The following CA9 variants were observed in gnomAD, a reference collection of about 807,000 sequenced individuals.
The protein encoded by CA9 is CA-IX.
A neutral mutation model predicts 51.8 loss-of-function variants in CA9; 43 were observed. The observed-to-expected ratio is 0.83, with a 90% CI of 0.65 to 1.07. CA9 has a LOEUF of 1.07. CA9 is among the 50% of genes least tolerant of loss of function. The probability of loss-of-function intolerance (pLI) is 0.00; values close to 1 mark genes in which losing one functional copy is unlikely to be tolerated. For missense variants in CA9, 574 were observed against 581.4 expected, an observed-to-expected ratio of 0.99 and a Z score of 0.13; for synonymous variants, 253 against 244.2, an observed-to-expected ratio of 1.04 and a Z score of -0.34.
At chr9:35,679,743 G>GA in intron 7 of CA9, 111 bp from the exon 8 acceptor site, 1 of 980,432 alleles carries the variant, frequency 1.0e-6, no homozygotes, top group South Asian at 1.8e-5. Context: ...GCTGGATGGG[G>GA]AATACAGGAG....
chr9:35,677,728 T>C, intron 5 of CA9, 62 bp from the exon 6 acceptor site: 2 of 1,324,838 alleles, frequency 1.5e-6, no homozygotes, highest in Non-Finnish European at 2.2e-6. Flanking sequence ...CCCTTCATGT[T>C]CCGGCCTTCA....
rs1048638 is a variant in CA9 at position 35,681,125 on chromosome 9, C to A, written c.*100C>A. 0.22 allele frequency: 168,020 copies of A among 775,028 alleles called. 20,138 individuals carry two copies. Among genetic ancestry groups the A allele is most frequent in the Admixed American group, 0.29 (9,503 of 32,704 alleles). 48.0% of individuals were successfully genotyped at this position (775,028 alleles called of 1,614,324 possible). A position where few individuals can be genotyped will look rare whatever the true frequency, so the allele number is the denominator to read the frequency against. On this transcript the variant is annotated 3_prime_UTR_variant, in exon 11 of 11. Coordinates refer to ENST00000378357, the MANE Select transcript of CA9 (RefSeq NM_001216.3). The stretch of plus-strand genomic sequence containing the variant: ...CATTATGCCACTTCCTTTTAACTGC[C>A]AAGAAATTTTTTAAAATAAATATTT...
rs5897612 is a variant in CA9 at position 35,679,548 on chromosome 9, C to CAA, written c.1065+212_1065+213dup. Among the ~76,000 whole-genome samples, 102 of 151,834 alleles carry CAA rather than the reference C, an allele frequency of 6.7e-4. 1 individual carries two copies. Among genetic ancestry groups the CAA allele is most frequent in the African/African-American group, 2.0e-3 (81 of 41,396 alleles). Reference sequence around the variant, plus strand: ...CAACATAGTGTGACCCCATCTCTACCAAAAAAACCCCAACAAAACCAAAAA... The same window carrying CAA: ...CAACATAGTGTGACCCCATCTCTACCAAAAAAAAACCCCAACAAAACCAAAAA... On this transcript the variant is annotated intron_variant, in intron 7 of 10. Transcript: ENST00000378357.
chr9:35,680,018 C>A lies in CA9; in HGVS notation c.1210+20C>A, dbSNP rs765108061. On this transcript the variant is annotated intron_variant, in intron 8 of 10. Transcript: ENST00000378357. ...AGCCAGGTACAGCTTTGTCTGGTTT[C>A]CCCCCAGCCAGTAGTCCCTTATCCT... 6.2e-7 allele frequency: 1 copy of A among 1,613,996 alleles called. No homozygotes were observed. Among genetic ancestry groups the A allele is most frequent in the Admixed American group, 1.7e-5 (1 of 59,876 alleles).
At chr9:35,677,691 A>AGGAAT in intron 5 of CA9, 99 bp from the exon 6 acceptor site, 1 of 876,146 alleles carries the variant, frequency 1.1e-6, no homozygotes, top group Non-Finnish European at 1.9e-6. Flanking sequence ...CTCAGAGCTG[A>AGGAAT]GGAATGGGAG....
rs866155384 is a variant in CA9, at chr9:35,677,774, C to G, written c.841-16C>G. The G allele has an allele frequency of 1.1e-5, 18 of 1,611,592 alleles. No homozygotes were observed. The highest frequency in any genetic ancestry group is 1.4e-5 in the Non-Finnish European group (17 of 1,177,654). On this transcript the variant is annotated splice_polypyrimidine_tract_variant and intron_variant, in intron 5 of 10. Coordinates refer to ENST00000378357, the MANE Select transcript of CA9 (RefSeq NM_001216.3). ...TGGATACATGCACTCATCTGTCTTACAATGTCATCCCCCAGGAGGGCCCGG... is the reference window on the plus strand; with the variant it reads ...TGGATACATGCACTCATCTGTCTTAGAATGTCATCCCCCAGGAGGGCCCGG...
At chr9:35,678,263 A>G (rs1259410482) in intron 6 of CA9, among the ~76,000 whole-genome samples, 2 of 150,528 alleles carry the variant, frequency 1.3e-5, no homozygotes, top group Non-Finnish European at 3.0e-5. Flanking sequence ...GGAGAATGGC[A>G]TGAACCCGGG....
At chr9:35,675,490 G>A in intron 1 of CA9, 48 bp from the exon 2 acceptor site, 1 of 1,609,746 alleles carries the variant, frequency 6.2e-7, no homozygotes, top group South Asian at 1.1e-5. Flanking sequence ...TCGCCAGGAA[G>A]GGATTGGGGC....
At chr9:35,677,893 T>C in intron 6 of CA9, 37 bp downstream of exon 6, 1 of 1,566,450 alleles carries the variant, frequency 6.4e-7, no homozygotes, top group Non-Finnish European at 8.8e-7. Flanking sequence ...CTCTGTGGCC[T>C]AGTTCATAAA....
Position 35,681,018 on chromosome 9 carries a change from G to T in CA9, c.1373G>T (p.Gly458Val). 1 of 1,613,806 alleles carries T rather than the reference G, an allele frequency of 6.2e-7. No individual in the cohort carries two copies. The highest frequency in any genetic ancestry group is 8.5e-7 in the Non-Finnish European group (1 of 1,179,920). The change falls in exon 11 of 11, where the codon GGA (glycine) becomes GTA (valine). Residue 458 changes from glycine (G) to valine (V), a missense_variant. By Grantham distance (109) the Gly-to-Val change is moderately radical. Transcript: ENST00000378357. ...CGCCCAGCAGAGGTAGCCGAGACTG[G>T]AGCCTAGAGGCTGGATCTTGGAGAA... ...SYRPAEVAETGA is the reference protein window; with the variant it reads ...SYRPAEVAETVA
At position 35,680,117 on chromosome 9, in the gene CA9, G is replaced by A; in HGVS notation, c.1215G>A (p.Gln405=). The A allele has an allele frequency of 1.2e-6, 2 of 1,614,180 alleles. No individual in the cohort carries two copies. The highest frequency in any genetic ancestry group is 8.5e-7 in the Non-Finnish European group (1 of 1,180,040). Residue 405 remains glutamine, a synonymous_variant, in exon 9 of 11, where the codon CAG becomes CAA. Coordinates refer to ENST00000378357, the MANE Select transcript of CA9 (RefSeq NM_001216.3). ...DSSPRAAEPV[Q]LNSCLAAGDI... ...ACATCTCCTTTTTCTCTCCAGTCCA[G>A]CTGAATTCCTGCCTGGCTGCTGGTG... is the stretch of plus-strand genomic sequence containing the variant.
At chr9:35,679,059 C>T in intron 6 of CA9, 126 bp from the exon 7 acceptor site, 7 of 986,560 alleles carry the variant, frequency 7.1e-6, no homozygotes, top group Non-Finnish European at 1.1e-5. Flanking sequence ...AGGGCCTGCA[C>T]TTAGCGAAGA....
Position 35,674,095 on chromosome 9 carries a change from G to A in CA9, c.136G>A (p.Asp46Asn). The change falls in exon 1 of 11, where the codon GAT becomes AAT. Residue 46 changes from aspartate to asparagine, a missense_variant. By Grantham distance (23) the Asp-to-Asn change is conservative (BLOSUM62 1). Transcript: ENST00000378357. ...CCAGAGGTTGCCCCGGATGCAGGAG[G>A]ATTCCCCCTTGGGAGGAGGCTCTTC... ...HPQRLPRMQE[D>N]SPLGGGSSGE... 6.2e-7 allele frequency: 1 copy of A among 1,614,188 alleles called. No homozygotes were observed. The highest frequency in any genetic ancestry group is 8.5e-7 in the Non-Finnish European group (1 of 1,180,006).
chr9:35,679,226 C>T lies in CA9; in HGVS notation c.949C>T (p.Leu317=), dbSNP rs1442840079. The T allele has an allele frequency of 6.2e-7, 1 of 1,614,194 alleles. No homozygotes were observed. Among genetic ancestry groups the T allele is most frequent in the Non-Finnish European group, 8.5e-7 (1 of 1,180,032 alleles). The change falls in exon 7 of 11, where the codon CTG becomes TTG. Residue 317 remains leucine (L), a synonymous_variant. Transcript: ENST00000378357. The stretch of plus-strand genomic sequence containing the variant: ...CCCAGGACTGGACATATCTGCACTC[C>T]TGCCCTCTGACTTCAGCCGCTACTT... The part of the protein sequence containing the change: ...QVPGLDISAL[L]PSDFSRYFQY...
At chr9:35,680,503 T>C (rs1563923993) in intron 9 of CA9, among the ~76,000 whole-genome samples, 1 of 152,212 alleles carries the variant, frequency 6.6e-6, no homozygotes, top group Non-Finnish European at 1.5e-5. Flanking sequence ...ACTGGGACTG[T>C]AGGCATGAGC....
rs1824484662 is a variant in CA9 at position 35,679,303 on chromosome 9, G to GA, written c.1027dup (p.Thr343AsnfsTer4). ...CGCCCTGTGCCCAGGGTGTCATCTG[G>GA]ACTGTGTTTAACCAGACAGTGATGC... is the stretch of plus-strand genomic sequence containing the variant. On this transcript the variant is annotated frameshift_variant, in exon 7 of 11. Transcript: ENST00000378357. LOFTEE classifies it high-confidence loss of function. 1.9e-6 allele frequency: 3 copies of GA among 1,614,166 alleles called. No individual in the cohort carries two copies. Among genetic ancestry groups the GA allele is most frequent in the Non-Finnish European group, 2.5e-6 (3 of 1,180,022 alleles).
At chr9:35,676,865 AT>A (rs1824433529) in intron 5 of CA9, among the ~76,000 whole-genome samples, 1 of 151,960 alleles carries the variant, frequency 6.6e-6, no homozygotes, top group Admixed American at 6.6e-5. Flanking sequence ...TTATTTATTT[AT>A]TTATTTTTTT....
chr9:35,674,737 G>T, intron 1 of CA9: 1 of 169,894 alleles, frequency 5.9e-6, no homozygotes, highest in Non-Finnish European at 1.2e-5. Context: ...GGGAGGTGAA[G>T]TGGGTACCAG....
intron 8 of CA9, 38 bp from the exon 9 acceptor site, chr9:35,680,075 G>T (rs778288486): frequency 6.2e-7 from 1 of 1,614,144 alleles, no homozygotes; most frequent in South Asian, 1.1e-5. Context: ...GTCATTGGTG[G>T]TCACAGCCCG....
Sources: allele counts gnomAD v4.1 joint callset (sites outside exome capture counted in the v4.1 genomes callset), GRCh38; gene constraint gnomAD v4.1.1; transcripts MANE v1.5; gene names NCBI Gene and HGNC (gene_info 2026-07-23, HGNC 2026-07-21).